Variants in CLDN14 observed in about 807,000 individuals in gnomAD.
CLDN14 encodes claudin 14.
In CLDN14, 2 loss-of-function variants were observed where a neutral mutation model predicts 2.1. The ratio of observed to expected loss-of-function variants is 0.96; its 90% CI spans 0.39 to 3.01. CLDN14 has a LOEUF of 3.01. CLDN14 is among the 30% of genes most tolerant of loss of function. CLDN14 has a pLI of 0.09. For missense variants in CLDN14, 298 were observed against 328.0 expected, an observed-to-expected ratio of 0.91 and a Z score of 0.71; for synonymous variants, 136 against 154.4, an observed-to-expected ratio of 0.88 and a Z score of 0.88.
intron 2 of CLDN14, among the ~76,000 whole-genome samples, chr21:36,505,776 CAGAG>C (rs1445777308): frequency 6.6e-6 from 1 of 152,334 alleles, no homozygotes; most frequent in East Asian, 1.9e-4. Context: ...GAGAAACACA[CAGAG>C]AGGTCCATTG....
chr21:36,515,633 A>G (rs1366046855), intron 1 of CLDN14, among the ~76,000 whole-genome samples: 10 of 148,922 alleles, frequency 6.7e-5, no homozygotes, highest in Admixed American at 6.1e-4. Flanking sequence ...AGATCACACC[A>G]TTGCACTCCA....
At chr21:36,550,851 C>G (rs2087558882) in intron 1 of CLDN14, among the ~76,000 whole-genome samples, 2 of 152,322 alleles carry the variant, frequency 1.3e-5, no homozygotes, top group Admixed American at 1.3e-4. Flanking sequence ...TGAGGAGAGT[C>G]CTTCCCAAAT....
At chr21:36,488,201 A>G (rs2086916905) in intron 2 of CLDN14, among the ~76,000 whole-genome samples, 1 of 131,156 alleles carries the variant, frequency 7.6e-6, no homozygotes, top group Non-Finnish European at 1.7e-5. Flanking sequence ...CCATTGCAAA[A>G]AGACAAATAC....
intron 1 of CLDN14, among the ~76,000 whole-genome samples, chr21:36,569,890 C>T (rs905334259): frequency 1.5e-4 from 23 of 152,214 alleles, no homozygotes; most frequent in Non-Finnish European, 2.6e-4. Flanking sequence ...AATCTGTGAA[C>T]GCAAAAGTAT....
At chr21:36,500,213 ATT>A (rs1314418808) in intron 2 of CLDN14, among the ~76,000 whole-genome samples, 1 of 151,934 alleles carries the variant, frequency 6.6e-6, no homozygotes, top group East Asian at 1.9e-4. Context: ...GAAGTGAAAC[ATT>A]GGGAGGGCTG....
At chr21:36,511,369 C>T (rs2012586) in intron 1 of CLDN14, among the ~76,000 whole-genome samples, 119,071 of 152,074 alleles carry the variant, frequency 0.78, 48,340 homozygotes, top group Non-Finnish European at 0.92. Flanking sequence ...GACCAGATCC[C>T]GTATTGCCTT....
At chr21:36,533,333 G>A (rs906159419) in intron 1 of CLDN14, among the ~76,000 whole-genome samples, 2 of 152,202 alleles carry the variant, frequency 1.3e-5, no homozygotes, top group African/African-American at 4.8e-5. Flanking sequence ...TAGGTGCCAG[G>A]TTGGTGACAT....
At chr21:36,528,761 G>A (rs1288626288) in intron 1 of CLDN14, among the ~76,000 whole-genome samples, 1 of 152,210 alleles carries the variant, frequency 6.6e-6, no homozygotes, top group African/African-American at 2.4e-5. Context: ...CTTGTTGGAG[G>A]CACCAGAAGG....
intron 1 of CLDN14, among the ~76,000 whole-genome samples, chr21:36,510,677 C>T (rs1294243851): frequency 6.6e-6 from 1 of 152,242 alleles, no homozygotes; most frequent in African/African-American, 2.4e-5. Flanking sequence ...CCTTTAATTA[C>T]CAGTTAAAAC....
chr21:36,546,855 G>T (rs1415940809), intron 1 of CLDN14, among the ~76,000 whole-genome samples: 2 of 152,088 alleles, frequency 1.3e-5, no homozygotes, highest in South Asian at 2.1e-4. Context: ...CAACAAATCA[G>T]CAGTTCTTAC....
At chr21:36,523,160 C>T (rs2087285342) in intron 1 of CLDN14, among the ~76,000 whole-genome samples, 1 of 152,200 alleles carries the variant, frequency 6.6e-6, no homozygotes, top group African/African-American at 2.4e-5. Flanking sequence ...TTGAGGGCTA[C>T]ATTTCTCCCG....
intron 1 of CLDN14, among the ~76,000 whole-genome samples, chr21:36,568,103 G>C (rs2087685619): frequency 6.6e-6 from 1 of 152,182 alleles, no homozygotes; most frequent in Non-Finnish European, 1.5e-5. Flanking sequence ...AATATTAAAG[G>C]ACAAGTGGGA....
upstream of CLDN14, among the ~76,000 whole-genome samples, chr21:36,484,424 G>A (rs1247489479): frequency 6.6e-6 from 1 of 152,156 alleles, no homozygotes; most frequent in African/African-American, 2.4e-5. Context: ...ATGCTGGGAG[G>A]CTTGAGACAA....
chr21:36,461,218 T>C lies in CLDN14; in HGVS notation c.478A>G (p.Ile160Val). The stretch of plus-strand genomic sequence containing the variant: ...AAGCCCAGGTACAGGGCCTGGCCAA[T>C]CTCAAACTTCATGCCGCTGGGCAGC... ...PLLPSGMKFE[I>V]GQALYLGFIS... Residue 160 changes from isoleucine to valine, a missense_variant, in exon 2 of 2, where the codon ATT becomes GTT. By Grantham distance (29) the Ile-to-Val change is conservative (BLOSUM62 3). Transcript: ENST00000399135. 6.2e-7 allele frequency: 1 copy of C among 1,614,084 alleles called. No homozygotes were observed. Among genetic ancestry groups the C allele is most frequent in the Non-Finnish European group, 8.5e-7 (1 of 1,180,012 alleles).
chr21:36,543,945 G>A (rs2087510066), intron 1 of CLDN14, among the ~76,000 whole-genome samples: 1 of 152,138 alleles, frequency 6.6e-6, no homozygotes, highest in Non-Finnish European at 1.5e-5. Flanking sequence ...ATGATGATAG[G>A]GACTGTTTAC....
intron 2 of CLDN14, chr21:36,486,424 G>GCTC: frequency 2.3e-6 from 3 of 1,324,542 alleles, no homozygotes; most frequent in Non-Finnish European, 3.3e-6. Context: ...CGCTGCTGCT[G>GCTC]CTCCTCCATA....
chr21:36,537,989 ATG>A (rs34437515), intron 1 of CLDN14, among the ~76,000 whole-genome samples: 1,556 of 148,876 alleles, frequency 0.01, 27 homozygotes, highest in East Asian at 0.066. Context: ...TCAAAACAAA[ATG>A]TGTGTGTGTG....
At chr21:36,543,303 G>A (rs1317494248) in intron 1 of CLDN14, among the ~76,000 whole-genome samples, 1 of 152,208 alleles carries the variant, frequency 6.6e-6, no homozygotes, top group Non-Finnish European at 1.5e-5. Context: ...GGGGACAGTA[G>A]GGTCTATAGC....
intron 1 of CLDN14, among the ~76,000 whole-genome samples, chr21:36,523,341 T>C (rs1416189185): frequency 6.6e-6 from 1 of 152,234 alleles, no homozygotes; most frequent in Non-Finnish European, 1.5e-5. Flanking sequence ...ACTCTTCAGC[T>C]ACATGATTAG....
Sources: allele counts gnomAD v4.1 joint callset (sites outside exome capture counted in the v4.1 genomes callset), GRCh38; gene constraint gnomAD v4.1.1; transcripts MANE v1.5; gene names NCBI Gene and HGNC (gene_info 2026-07-23, HGNC 2026-07-21).